Variants in ADPRHL1 observed in about 807,000 individuals in gnomAD.
ADPRHL1 encodes the protein inactive ADP-ribosyltransferase ARH2.
ADPRHL1 carries 43 observed loss-of-function variants against 44.1 expected under a neutral mutation model. That is an observed-to-expected ratio of 0.98 (90% confidence interval 0.76 to 1.26). ADPRHL1 has a LOEUF of 1.26. Ranked by LOEUF, ADPRHL1 falls within the 50% of genes most tolerant of loss-of-function variation. The pLI, the probability that ADPRHL1 is intolerant of heterozygous loss-of-function variation, is 0.00. For missense variants in ADPRHL1, 2,022 were observed against 2,496.9 expected (o/e 0.81, Z 4.05); for synonymous variants, 878 against 1,017.4 (o/e 0.86, Z 2.61).
At chr13:113,425,756 C>T (rs569226487) in intron 4 of ADPRHL1, among the ~76,000 whole-genome samples, 11 of 151,262 alleles carry the variant, frequency 7.3e-5, no homozygotes, top group Non-Finnish European at 1.5e-4. Context: ...TCTTGGCACA[C>T]TGCAACCTCC....
intron 2 of ADPRHL1, 112 bp from the exon 3 acceptor site, chr13:113,433,979 T>G: frequency 7.2e-7 from 1 of 1,393,622 alleles, no homozygotes; most frequent in Non-Finnish European, 9.4e-7. Context: ...AATAACATGT[T>G]ATCAGAGTGT....
intron 7 of ADPRHL1, among the ~76,000 whole-genome samples, chr13:113,413,705 C>T (rs1486209209): frequency 1.3e-5 from 2 of 152,220 alleles, no homozygotes; most frequent in Non-Finnish European, 2.9e-5. Context: ...GTCAGAGCTG[C>T]GCTGGCGGAG....
Position 113,411,115 on chromosome 13 carries a change from C to A in ADPRHL1, c.1062-2895G>T, listed in dbSNP as rs144324715. On this transcript the variant is annotated intron_variant, in intron 7 of 7. Coordinates refer to ENST00000612156, the MANE Select transcript of ADPRHL1 (RefSeq NM_001394807.1). The stretch of plus-strand genomic sequence containing the variant: ...AGGCTCAGCCACGTGTGACGTCAAT[C>A]CGCCCCTTCCCACATCCCTCGCTGA... 9.1e-4 allele frequency among the ~76,000 whole-genome samples: 138 copies of A among 152,308 alleles called. 5 individuals carry two copies. In the East Asian group the frequency reaches 0.025, roughly 27 times the overall value.
In ADPRHL1 at chr13:113,453,476, G is replaced by A. The variant is rs780747434; in HGVS notation, c.-39C>T. 56 of 1,602,102 alleles carry A rather than the reference G, an allele frequency of 3.5e-5. No individual in the cohort carries two copies. The highest frequency in any genetic ancestry group is 4.5e-5 in the East Asian group (2 of 44,698). On this transcript the variant is annotated 5_prime_UTR_variant, in exon 1 of 8. In the 5' UTR this introduces an upstream ATG that the reference lacks. Transcript: ENST00000612156. The surrounding 1 kb of genome is among the most constrained non-coding windows in gnomAD (Gnocchi z 5.4). ...TCCTCTTCCCCAACAGCTGCGGAGC[G>A]TCCTGGCCTTTGTCTCCTCCTCAGC... is the stretch of plus-strand genomic sequence containing the variant.
At chr13:113,415,604 A>T (rs2043883177) in intron 7 of ADPRHL1, among the ~76,000 whole-genome samples, 1 of 152,160 alleles carries the variant, frequency 6.6e-6, no homozygotes, top group African/African-American at 2.4e-5. Flanking sequence ...CACAAAAATT[A>T]GCTGGGCACA....
Position 113,404,272 on chromosome 13 carries a change from C to G in ADPRHL1, c.5010G>C (p.Lys1670Asn), listed in dbSNP as rs370617755. 5 of 460,658 alleles carry G rather than the reference C, an allele frequency of 1.1e-5. No homozygotes were observed. The highest frequency in any genetic ancestry group is 1.5e-5 in the Non-Finnish European group (5 of 337,720). 28.5% of individuals were successfully genotyped at this position (460,658 alleles called of 1,614,324 possible). ...TQIEAQGQAQ[K>N]GAQERAREQA... is the part of the protein sequence containing the mutation. ...GTTCCCGAGCCCGTTCCTGAGCCCC[C>G]TTCTGGGCCTGACCCTGAGCCTCTA... Residue 1670 changes from lysine (K) to asparagine (N), a missense_variant, in exon 8 of 8, where the codon AAG (lysine) becomes AAC (asparagine). Transcript: ENST00000612156.
chr13:113,409,207 G>A lies in ADPRHL1; in HGVS notation c.1062-987C>T, dbSNP rs2043832477. ...TGATTTGATGGTGTTTTCTGAGCCT[G>A]GGTCCGGGGTAAGTTCTGCTCCTGA... On this transcript the variant is annotated intron_variant, in intron 7 of 7. Coordinates refer to ENST00000612156, the MANE Select transcript of ADPRHL1 (RefSeq NM_001394807.1). This position sits in a 1 kb window ranked among gnomAD's most constrained non-coding sequence, Gnocchi z 4.2. 2.7e-6 allele frequency: 2 copies of A among 743,100 alleles called. No individual in the cohort carries two copies. The highest frequency in any genetic ancestry group is 1.9e-5 in the African/African-American group (1 of 51,940). 46.0% of individuals were successfully genotyped at this position (743,100 alleles called of 1,614,324 possible).
Position 113,405,867 on chromosome 13 carries a change from G to A in ADPRHL1, c.3415C>T (p.Arg1139Cys), listed in dbSNP as rs1234637813. The A allele has an allele frequency of 2.0e-5, 25 of 1,231,868 alleles. No homozygotes were observed. Among genetic ancestry groups the A allele is most frequent in the African/African-American group, 6.2e-5 (4 of 64,434 alleles). The allele number at this position is 1,231,868 out of a possible 1,614,324, so 76.3% of individuals were successfully genotyped here. A position where few individuals can be genotyped will look rare whatever the true frequency, so the allele number is the denominator to read the frequency against. Residue 1139 changes from arginine (R) to cysteine (C), a missense_variant, in exon 8 of 8, where the codon CGC becomes TGC. Around this residue, in one of 8 missense-constraint regions of ADPRHL1, gnomAD observed 1,221 missense variants for 1,517.8 expected, o/e 0.80. Coordinates refer to ENST00000612156, the MANE Select transcript of ADPRHL1 (RefSeq NM_001394807.1). ...AGCGTCTCTGGCTCTCCCGCTGTGC[G>A]GTCTCCAGGGCTCTGGGTGCTGCCT... ...APGSTQSPGDRTAGEPETLGQ... is the reference protein window; with the variant it reads ...APGSTQSPGDCTAGEPETLGQ...
intron 7 of ADPRHL1, among the ~76,000 whole-genome samples, chr13:113,413,962 C>T (rs1485432415): frequency 6.6e-6 from 1 of 152,246 alleles, no homozygotes; most frequent in South Asian, 2.1e-4. Context: ...AGGAGACACA[C>T]CCGGGCCCAC....
chr13:113,412,817 GA>G (rs2043864328), intron 7 of ADPRHL1, among the ~76,000 whole-genome samples: 3 of 108,090 alleles, frequency 2.8e-5, no homozygotes, highest in African/African-American at 1.2e-4. Context: ...GCACCCCGCA[GA>G]ACTCGGTTCA....
rs2043824182 is a variant in ADPRHL1 at position 113,408,236 on chromosome 13, AATC to A, written c.1062-19_1062-17del. On this transcript the variant is annotated splice_polypyrimidine_tract_variant and intron_variant, in intron 7 of 7. Transcript: ENST00000612156. ...GCTCTTCCGGCTGCAGAGAAAAAGGAATCATCACCTACTTCATCATCATTTTTC... is the reference window on the plus strand; with the variant it reads ...GCTCTTCCGGCTGCAGAGAAAAAGGAATCACCTACTTCATCATCATTTTTC... The A allele has an allele frequency of 1.6e-6, 2 of 1,231,836 alleles. No individual in the cohort carries two copies. Among genetic ancestry groups the A allele is most frequent in the Admixed American group, 4.2e-5 (1 of 23,698 alleles). The allele number at this position is 1,231,836 out of a possible 1,614,324, so 76.3% of individuals were successfully genotyped here.
chr13:113,450,339 C>T (rs571467423), intron 1 of ADPRHL1, among the ~76,000 whole-genome samples: 1 of 152,248 alleles, frequency 6.6e-6, no homozygotes, highest in Non-Finnish European at 1.5e-5. Flanking sequence ...AAAAAATCTG[C>T]TTGCTTTGGT....
chr13:113,406,444 C>T lies in ADPRHL1; in HGVS notation c.2838G>A (p.Gln946=), dbSNP rs2043809177. The T allele has an allele frequency of 4.1e-6, 5 of 1,232,062 alleles. No individual in the cohort carries two copies. The highest frequency in any genetic ancestry group is 4.0e-6 in the Non-Finnish European group (4 of 987,986). 76.3% of individuals were successfully genotyped at this position (1,232,062 alleles called of 1,614,324 possible). A position where few individuals can be genotyped will look rare whatever the true frequency, so the allele number is the denominator to read the frequency against. The part of the protein sequence containing the change: ...DHSVPETLLT[Q]RLQTDPAGGK... ...CGCCAGCAGGATCTGTCTGGAGTCT[C>T]TGTGTCAGAAGTGTCTCTGGGACAC... The change falls in exon 8 of 8, where the codon CAG becomes CAA. Residue 946 remains glutamine (Q), a synonymous_variant. Transcript: ENST00000612156.
chr13:113,446,061 G>A (rs1006597860), intron 1 of ADPRHL1, among the ~76,000 whole-genome samples: 10 of 127,816 alleles, frequency 7.8e-5, no homozygotes, highest in Middle Eastern at 4.9e-3. Context: ...TGCAGGGCCC[G>A]GCGGCTGCAA....
At position 113,405,660 on chromosome 13, in the gene ADPRHL1, G is replaced by C; in HGVS notation, c.3622C>G (p.Leu1208Val). 6.5e-6 allele frequency: 8 copies of C among 1,232,778 alleles called. No individual in the cohort carries two copies. The highest frequency in any genetic ancestry group is 8.1e-6 in the Non-Finnish European group (8 of 988,824). 76.4% of individuals were successfully genotyped at this position (1,232,778 alleles called of 1,614,324 possible). The change falls in exon 8 of 8, where the codon CTC becomes GTC. Residue 1208 changes from leucine (L) to valine (V), a missense_variant. Coordinates refer to ENST00000612156, the MANE Select transcript of ADPRHL1 (RefSeq NM_001394807.1). ...LVQHPEDIAT[L>V]ARHPEDAAAL... Reference sequence around the variant, plus strand: ...GCAGCATCCTCCGGGTGGCGGGCGAGGGTCGCAATGTCCTCTGGGTGCTGG... The same window carrying C: ...GCAGCATCCTCCGGGTGGCGGGCGACGGTCGCAATGTCCTCTGGGTGCTGG...
chr13:113,420,055 T>C (rs1204319164), intron 7 of ADPRHL1, among the ~76,000 whole-genome samples: 1 of 151,358 alleles, frequency 6.6e-6, no homozygotes, highest in Non-Finnish European at 1.5e-5. Context: ...GTTATCTGGG[T>C]GGTTGGAAGC....
At chr13:113,448,322 C>T (rs936614718) in intron 1 of ADPRHL1, among the ~76,000 whole-genome samples, 18 of 151,650 alleles carry the variant, frequency 1.2e-4, no homozygotes, top group Non-Finnish European at 2.4e-4. Flanking sequence ...GTGAAACCCC[C>T]GTCTCTACTA....
intron 2 of ADPRHL1, among the ~76,000 whole-genome samples, chr13:113,434,079 T>A (rs1007574094): frequency 6.6e-6 from 1 of 152,222 alleles, no homozygotes; most frequent in Non-Finnish European, 1.5e-5. Context: ...GTGTCGGGTG[T>A]TAGTCACTAA....
At chr13:113,419,064 T>TCCCTCCCTCCC (rs1413574035) in intron 7 of ADPRHL1, among the ~76,000 whole-genome samples, 5 of 16,648 alleles carry the variant, frequency 3.0e-4, no homozygotes, top group African/African-American at 1.0e-3. Flanking sequence ...TTCTCCTTCC[T>TCCCTCCCTCCC]TCACTCCCTC....
Sources: gnomAD v4.1 joint callset for allele counts (sites outside exome capture counted in the v4.1 genomes callset) on GRCh38, gnomAD v4.1.1 for gene constraint, gnomAD v4.1.1 regional missense constraint, Gnocchi (gnomAD v3.1) non-coding constraint, MANE v1.5 for transcripts, NCBI Gene and HGNC (gene_info 2026-07-23, HGNC 2026-07-21) for gene names.